ENTREP2: variants seen among roughly 807,000 people sequenced by gnomAD.
The protein encoded by ENTREP2 is protein ENTREP2.
chr15:29,544,012 CTTTT>C, the ENTREP2 span, among the ~76,000 whole-genome samples: 1 of 151,316 alleles, frequency 6.6e-6, no homozygotes, highest in Non-Finnish European at 1.5e-5. Flanking sequence ...TTTATATTTT[CTTTT>C]ATTTTTATAT....
At chr15:29,238,916 C>T in the ENTREP2 span, among the ~76,000 whole-genome samples, 1 of 152,160 alleles carries the variant, frequency 6.6e-6, no homozygotes, top group Non-Finnish European at 1.5e-5. Context: ...AATCACCTCC[C>T]ACCAGGCCCC....
the ENTREP2 span, among the ~76,000 whole-genome samples, chr15:29,271,579 GACATTGTATAGAAGA>G: frequency 6.6e-6 from 1 of 152,198 alleles, no homozygotes; most frequent in Non-Finnish European, 1.5e-5. Context: ...ATAGATTCCA[GACATTGTATAGAAGA>G]ACATTGTATA....
chr15:29,136,897 A>G, the ENTREP2 span: 1 of 784,028 alleles, frequency 1.3e-6, no homozygotes, highest in South Asian at 2.4e-5. Context: ...GGAACGCTGT[A>G]TGTCTAAGAC....
chr15:29,132,751 T>C, the ENTREP2 span, among the ~76,000 whole-genome samples: 3 of 152,064 alleles, frequency 2.0e-5, no homozygotes, highest in South Asian at 2.1e-4. Context: ...GGTCAGACAT[T>C]GAATGGCACA....
the ENTREP2 span, among the ~76,000 whole-genome samples, chr15:29,366,721 C>T: frequency 6.6e-6 from 1 of 152,136 alleles, no homozygotes; most frequent in African/African-American, 2.4e-5. Flanking sequence ...TGAGATTCAC[C>T]CACATTACAT....
At chr15:29,547,420 G>A in the ENTREP2 span, among the ~76,000 whole-genome samples, 1 of 152,054 alleles carries the variant, frequency 6.6e-6, no homozygotes, top group Non-Finnish European at 1.5e-5. Context: ...ATGAGTAAAA[G>A]ACTTGAATAG....
At chr15:29,654,084 C>T in the ENTREP2 span, among the ~76,000 whole-genome samples, 2 of 152,092 alleles carry the variant, frequency 1.3e-5, no homozygotes, top group South Asian at 4.1e-4. Context: ...TATAATATTG[C>T]TATAATTATA....
the ENTREP2 span, among the ~76,000 whole-genome samples, chr15:29,387,045 AG>A: frequency 6.6e-6 from 1 of 152,086 alleles, no homozygotes. Flanking sequence ...GTTGAATAGG[AG>A]TGGTGAGAGA....
the ENTREP2 span, among the ~76,000 whole-genome samples, chr15:29,215,703 T>C: frequency 3.3e-5 from 5 of 152,088 alleles, no homozygotes; most frequent in African/African-American, 7.2e-5. Flanking sequence ...TTTTGTCTGA[T>C]ATAAGAATAG....
At chr15:29,473,387 T>C in the ENTREP2 span, among the ~76,000 whole-genome samples, 3 of 152,040 alleles carry the variant, frequency 2.0e-5, no homozygotes, top group Non-Finnish European at 4.4e-5. Context: ...CGAGGGATGG[T>C]GGCAGCTGCA....
the ENTREP2 span, among the ~76,000 whole-genome samples, chr15:29,258,322 C>T: frequency 4.3e-3 from 654 of 151,264 alleles, 2 homozygotes; most frequent in Middle Eastern, 6.9e-3. Flanking sequence ...TGTAAATAAA[C>T]TGGCCTGCAC....
the ENTREP2 span, among the ~76,000 whole-genome samples, chr15:29,652,548 G>C: frequency 6.6e-6 from 1 of 152,230 alleles, no homozygotes; most frequent in Non-Finnish European, 1.5e-5. Flanking sequence ...CCTTTAGGGA[G>C]CCCAGACCTG....
chr15:29,414,028 A>G, the ENTREP2 span, among the ~76,000 whole-genome samples: 1 of 152,172 alleles, frequency 6.6e-6, no homozygotes, highest in Non-Finnish European at 1.5e-5. Context: ...AAAGAGACTT[A>G]GACTCCCACA....
chr15:29,530,528 A>G, the ENTREP2 span, among the ~76,000 whole-genome samples: 2 of 152,144 alleles, frequency 1.3e-5, no homozygotes, highest in Non-Finnish European at 2.9e-5. Flanking sequence ...GCGAACTCCA[A>G]CGTGTCTGGA....
chr15:29,369,763 A>T, the ENTREP2 span, among the ~76,000 whole-genome samples: 1 of 152,258 alleles, frequency 6.6e-6, no homozygotes, highest in Admixed American at 6.5e-5. Context: ...TTAATTGCCA[A>T]TGCAACAGTG....
the ENTREP2 span, among the ~76,000 whole-genome samples, chr15:29,160,522 A>G: frequency 2.6e-4 from 40 of 152,178 alleles, no homozygotes; most frequent in African/African-American, 8.2e-4. Context: ...CAGCCTGGCC[A>G]ACATGATGAA....
chr15:29,545,454 C>G, the ENTREP2 span, among the ~76,000 whole-genome samples: 2 of 152,140 alleles, frequency 1.3e-5, no homozygotes, highest in African/African-American at 4.8e-5. Context: ...GAAAAGAAAG[C>G]TTAAGAGTCC....
At chr15:29,287,035 G>A in the ENTREP2 span, among the ~76,000 whole-genome samples, 4 of 152,186 alleles carry the variant, frequency 2.6e-5, no homozygotes, top group Non-Finnish European at 4.4e-5. Context: ...CTGTACCCAA[G>A]ATGGCACCAG....
the ENTREP2 span, among the ~76,000 whole-genome samples, chr15:29,615,862 G>A: frequency 1.1e-3 from 161 of 152,236 alleles, no homozygotes; most frequent in Non-Finnish European, 2.1e-3. Context: ...TTCCCTACCC[G>A]GCAGGGATGA....
Sources: allele counts gnomAD v4.1 joint callset (sites outside exome capture counted in the v4.1 genomes callset), GRCh38; gene constraint gnomAD v4.1.1; transcripts MANE v1.5; gene names NCBI Gene and HGNC (gene_info 2026-07-23, HGNC 2026-07-21).